ZNF586: variants seen among roughly 807,000 people sequenced by gnomAD.
ZNF586 encodes zinc finger protein 586.
In ZNF586, 7 loss-of-function variants were observed where a neutral mutation model predicts 6.7. The ratio of observed to expected loss-of-function variants is 1.04; its 90% CI spans 0.59 to 1.95. The LOEUF (loss-of-function observed/expected upper bound fraction) is 1.95. Ranked by LOEUF, ZNF586 falls within the 30% of genes most tolerant of loss-of-function variation. ZNF586 has a pLI of 0.00. For missense variants in ZNF586, 442 were observed against 489.6 expected, an observed-to-expected ratio of 0.90 and a Z score of 0.92; for synonymous variants, 166 against 168.7, an observed-to-expected ratio of 0.98 and a Z score of 0.12.
In ZNF586 at chr19:57,778,847, C is replaced by T. The variant is rs1987303571; in HGVS notation, c.260C>T (p.Pro87Leu). 4 of 1,614,030 alleles carry T rather than the reference C, an allele frequency of 2.5e-6. No individual in the cohort carries two copies. The South Asian group carries it at 3.3e-5, about 13-fold the overall frequency. Residue 87 changes from proline (P) to leucine (L), a missense_variant, in exon 3 of 3, where the codon CCT becomes CTT. By Grantham distance (98) the Pro-to-Leu change is moderately conservative (BLOSUM62 -3). Coordinates refer to ENST00000396154, the MANE Select transcript of ZNF586 (RefSeq NM_017652.4). ...CAGGGAGGTCATAGTGGAGAAAGGCCTTATGAGTGTGGGGAATATAGGAAA... is the reference window on the plus strand; with the variant it reads ...CAGGGAGGTCATAGTGGAGAAAGGCTTTATGAGTGTGGGGAATATAGGAAA... The part of the protein sequence containing the change: ...KDQGGHSGER[P>L]YECGEYRKLF...
chr19:57,775,367 C>T (rs1987209862), intron 1 of ZNF586, among the ~76,000 whole-genome samples: 1 of 152,094 alleles, frequency 6.6e-6, no homozygotes, highest in Non-Finnish European at 1.5e-5. Flanking sequence ...TGGTATCGCA[C>T]ACCTGTGGTC....
Position 57,779,886 on chromosome 19 carries a change from A to C in ZNF586, c.*90A>C, listed in dbSNP as rs1987345202. ...GATCAAGGTGTTATGAGTGTGACAAATGGGGAATATTCTTTAGCTAGAATG... is the reference window on the plus strand; with the variant it reads ...GATCAAGGTGTTATGAGTGTGACAACTGGGGAATATTCTTTAGCTAGAATG... On this transcript the variant is annotated 3_prime_UTR_variant, in exon 3 of 3. Transcript: ENST00000396154. The C allele has an allele frequency of 2.7e-6, 3 of 1,110,950 alleles. No homozygotes were observed. The Admixed American group carries it at 7.2e-5, about 27-fold the overall frequency. 68.8% of individuals were successfully genotyped at this position (1,110,950 alleles called of 1,614,324 possible).
In ZNF586 at chr19:57,776,523, A is replaced by T; in HGVS notation, c.37-20A>T. The T allele has an allele frequency of 3.1e-6, 5 of 1,606,864 alleles. No individual in the cohort carries two copies. In the South Asian group the frequency reaches 5.5e-5, roughly 18 times the overall value. On this transcript the variant is annotated intron_variant, in intron 1 of 2. Coordinates refer to ENST00000396154, the MANE Select transcript of ZNF586 (RefSeq NM_017652.4). ...CAGCATAGGGGCCATTTGTGGTTTCATCTATCCCCATCATAACAGAGCAGT... is the reference window on the plus strand; with the variant it reads ...CAGCATAGGGGCCATTTGTGGTTTCTTCTATCCCCATCATAACAGAGCAGT...
At chr19:57,774,014 G>A (rs929061986) in intron 1 of ZNF586, among the ~76,000 whole-genome samples, 2 of 151,844 alleles carry the variant, frequency 1.3e-5, no homozygotes, top group East Asian at 1.9e-4. Flanking sequence ...CCGGGGGTTC[G>A]AGATCAGCGT....
At chr19:57,776,985 G>A (rs1259661601) in intron 2 of ZNF586, among the ~76,000 whole-genome samples, 5 of 152,082 alleles carry the variant, frequency 3.3e-5, no homozygotes, top group Non-Finnish European at 5.9e-5. Flanking sequence ...CTCAAGTTCC[G>A]TTTCCCTCCT....
intron 1 of ZNF586, among the ~76,000 whole-genome samples, chr19:57,770,380 C>T (rs1987066639): frequency 6.6e-6 from 1 of 152,098 alleles, no homozygotes; most frequent in Non-Finnish European, 1.5e-5. Context: ...CCACCTCGGC[C>T]TCCCAAAGTG....
rs1371677476 is a variant in ZNF586, at chr19:57,776,651, A to C, written c.145A>C (p.Thr49Pro). The change falls in exon 2 of 3, where the codon ACA becomes CCA. Residue 49 changes from threonine (T) to proline (P), a missense_variant. Physicochemically the swap from Thr to Pro is conservative, Grantham distance 38. Transcript: ENST00000396154. ...LYRDVMLETL[T>P]LISSLGCWHG... The stretch of plus-strand genomic sequence containing the variant: ...CCGTGACGTGATGCTGGAGACCTTG[A>C]CACTTATATCCTCCCTGGGTAAGGT... 3 of 1,607,728 alleles carry C rather than the reference A, an allele frequency of 1.9e-6. No homozygotes were observed. The highest frequency in any genetic ancestry group is 3.4e-5 in the Admixed American group (2 of 58,634).
In ZNF586 at chr19:57,779,767, G is replaced by A; in HGVS notation, c.1180G>A (p.Val394Ile). 1.9e-6 allele frequency: 3 copies of A among 1,603,206 alleles called. No individual in the cohort carries two copies. The highest frequency in any genetic ancestry group is 2.6e-6 in the Non-Finnish European group (3 of 1,174,064). The change falls in exon 3 of 3, where the codon GTT becomes ATT. Residue 394 changes from valine (V) to isoleucine (I), a missense_variant. Val to Ile is a conservative substitution (Grantham distance 29). Transcript: ENST00000396154. ...TTCTTCGTTCCGTCGCCATCAGAGA[G>A]TTCATACTGGAATGAGGCCTTATAA... ...HSSSFRRHQR[V>I]HTGMRPYK is the part of the protein sequence containing the mutation.
At chr19:57,772,129 T>C (rs1057377808) in intron 1 of ZNF586, among the ~76,000 whole-genome samples, 1 of 152,074 alleles carries the variant, frequency 6.6e-6, no homozygotes, top group Non-Finnish European at 1.5e-5. Context: ...GCCTGGCAAC[T>C]CAATTTTTAA....
In ZNF586 at chr19:57,779,460, A is replaced by G. The variant is rs765001101; in HGVS notation, c.873A>G (p.Glu291=). The G allele has an allele frequency of 2.5e-6, 4 of 1,613,486 alleles. No individual in the cohort carries two copies. In the East Asian group the frequency reaches 8.9e-5, roughly 36 times the overall value. The part of the protein sequence containing the change: ...QRVHTRERPY[E]CSECGKSFSL... ...TTCACACTAGAGAAAGGCCTTATGA[A>G]TGTAGTGAATGTGGGAAATCCTTTA... The change falls in exon 3 of 3, where the codon GAA becomes GAG. Residue 291 remains glutamate (E), a synonymous_variant. Coordinates refer to ENST00000396154, the MANE Select transcript of ZNF586 (RefSeq NM_017652.4).
In ZNF586 at chr19:57,779,461, T is replaced by A; in HGVS notation, c.874T>A (p.Cys292Ser). 1 of 1,614,144 alleles carries A rather than the reference T, an allele frequency of 6.2e-7. No homozygotes were observed. Among genetic ancestry groups the A allele is most frequent in the Non-Finnish European group, 8.5e-7 (1 of 1,180,032 alleles). The change falls in exon 3 of 3, where the codon TGT becomes AGT. Residue 292 changes from cysteine to serine, a missense_variant. By Grantham distance (112) the Cys-to-Ser change is moderately radical. Coordinates refer to ENST00000396154, the MANE Select transcript of ZNF586 (RefSeq NM_017652.4). ...TCACACTAGAGAAAGGCCTTATGAA[T>A]GTAGTGAATGTGGGAAATCCTTTAG... ...RVHTRERPYE[C>S]SECGKSFSLR...
Position 57,780,057 on chromosome 19 carries a change from T to C in ZNF586, c.*261T>C. 4.2e-6 allele frequency: 2 copies of C among 477,360 alleles called. No individual in the cohort carries two copies. Among genetic ancestry groups the C allele is most frequent in the East Asian group, 6.9e-5 (2 of 28,888 alleles). 29.6% of individuals were successfully genotyped at this position (477,360 alleles called of 1,614,324 possible). ...ACAGATGTGGAGGTAATATTATTTT[T>C]TCTTCAATATAACACTGGAGGAAAC... On this transcript the variant is annotated 3_prime_UTR_variant, in exon 3 of 3. Transcript: ENST00000396154.
chr19:57,774,822 A>G, intron 1 of ZNF586: 2 of 892,066 alleles, frequency 2.2e-6, no homozygotes, highest in Non-Finnish European at 1.3e-6. Flanking sequence ...TAAGGTCAGT[A>G]TCATGTGCTA....
chr19:57,778,599 T>C, intron 2 of ZNF586, 152 bp from the exon 3 acceptor site: 1 of 650,650 alleles, frequency 1.5e-6, no homozygotes, highest in Non-Finnish European at 2.6e-6. Flanking sequence ...TCTGTGATAA[T>C]GCTAAGCAGC....
chr19:57,775,894 G>C (rs1486439597), intron 1 of ZNF586, among the ~76,000 whole-genome samples: 1 of 152,116 alleles, frequency 6.6e-6, no homozygotes, highest in Non-Finnish European at 1.5e-5. Flanking sequence ...GCGCCACCGC[G>C]CCCGGCCACT....
At chr19:57,777,019 C>T (rs1455340412) in intron 2 of ZNF586, among the ~76,000 whole-genome samples, 4 of 152,164 alleles carry the variant, frequency 2.6e-5, no homozygotes, top group East Asian at 1.9e-4. Flanking sequence ...GTTCATGCTA[C>T]GAATTGTCGT....
intron 2 of ZNF586, among the ~76,000 whole-genome samples, chr19:57,778,073 C>CTT (rs35697388): frequency 2.6e-4 from 34 of 131,520 alleles, no homozygotes; most frequent in African/African-American, 2.5e-4. Flanking sequence ...AGTATATAAT[C>CTT]TTTTTTTTTT....
At chr19:57,777,551 T>A (rs762313485) in intron 2 of ZNF586, among the ~76,000 whole-genome samples, 1 of 152,008 alleles carries the variant, frequency 6.6e-6, no homozygotes, top group Non-Finnish European at 1.5e-5. Context: ...TAGCCCCACT[T>A]TATGTCTTTC....
intron 1 of ZNF586, among the ~76,000 whole-genome samples, chr19:57,772,107 C>T (rs1987110945): frequency 6.6e-6 from 1 of 152,158 alleles, no homozygotes; most frequent in Non-Finnish European, 1.5e-5. Flanking sequence ...CAGGCTTGAG[C>T]CACCGTGCCC....
Sources: allele counts gnomAD v4.1 joint callset (sites outside exome capture counted in the v4.1 genomes callset), GRCh38; gene constraint gnomAD v4.1.1; transcripts MANE v1.5; gene names NCBI Gene and HGNC (gene_info 2026-07-23, HGNC 2026-07-21).